Variants in TCF20 observed in about 807,000 individuals in gnomAD.
The protein encoded by TCF20 is transcription factor 20, also known as SPRE-binding protein.
Under a neutral mutation model 148.6 loss-of-function variants are expected in TCF20, and 3 were observed. That is an observed-to-expected ratio of 0.02 (90% CI 0.01 to 0.05). TCF20 has a LOEUF of 0.05. Ranked by LOEUF, TCF20 falls within the 10% of genes least tolerant of loss-of-function variation. TCF20 has a pLI of 1.00. For missense variants in TCF20, 2,350 were observed against 2,429.3 expected (o/e 0.97, Z 0.69); for synonymous variants, 1,049 against 909.5 (o/e 1.15, Z -2.76).
At chr22:42,182,062 A>T (rs980747308) in intron 2 of TCF20, among the ~76,000 whole-genome samples, 1 of 152,196 alleles carries the variant, frequency 6.6e-6, no homozygotes, top group African/African-American at 2.4e-5. Context: ...GGCAAGATGG[A>T]GAGACCTGGG....
intron 1 of TCF20, among the ~76,000 whole-genome samples, chr22:42,227,276 C>CA (rs113246958): frequency 3.3e-4 from 50 of 149,966 alleles, no homozygotes; most frequent in South Asian, 6.3e-4. Flanking sequence ...CAGCCTCTCT[C>CA]AAAAAAAAAT....
At chr22:42,289,760 CACCTGAGGCCACCAGGAGCCTGCA>C (rs1927099161) in intron 1 of TCF20, among the ~76,000 whole-genome samples, 2 of 152,220 alleles carry the variant, frequency 1.3e-5, no homozygotes, top group Admixed American at 1.3e-4. Context: ...ATGATCTGCC[CACCTGAGGCCACCAGGAGCCTGCA>C]GCCTGCCCCG....
intron 2 of TCF20, among the ~76,000 whole-genome samples, chr22:42,190,570 T>C (rs568945336): frequency 1.3e-5 from 2 of 152,160 alleles, no homozygotes; most frequent in Admixed American, 6.5e-5. Flanking sequence ...CCCTTGAAAC[T>C]ACAAAGGCCG....
intron 4 of TCF20, 123 bp downstream of exon 4, chr22:42,169,724 C>G: frequency 1.0e-6 from 1 of 978,710 alleles, no homozygotes; most frequent in African/African-American, 1.6e-5. Context: ...AGGGGACTAA[C>G]AGCCGGAGGC....
At chr22:42,195,132 G>A (rs1157747722) in intron 2 of TCF20, among the ~76,000 whole-genome samples, 2 of 148,996 alleles carry the variant, frequency 1.3e-5, no homozygotes, top group Non-Finnish European at 3.0e-5. Flanking sequence ...GACCCTGGAG[G>A]AAGAACAGGT....
chr22:42,245,129 G>A (rs1748150885), intron 1 of TCF20, among the ~76,000 whole-genome samples: 1 of 152,146 alleles, frequency 6.6e-6, no homozygotes, highest in African/African-American at 2.4e-5. Flanking sequence ...AGGTGTAACT[G>A]AGAAGAACCT....
At chr22:42,291,177 C>A (rs926212873) in intron 1 of TCF20, among the ~76,000 whole-genome samples, 1 of 152,228 alleles carries the variant, frequency 6.6e-6, no homozygotes, top group African/African-American at 2.4e-5. Context: ...CCAACAAACA[C>A]AAGCATTTAT....
chr22:42,191,388 C>A (rs1412562367), intron 2 of TCF20, among the ~76,000 whole-genome samples: 1 of 152,186 alleles, frequency 6.6e-6, no homozygotes, highest in East Asian at 1.9e-4. Context: ...CTCCCGGGTT[C>A]AAGTGATGCT....
Position 42,213,479 on chromosome 22 carries a change from G to A in TCF20, c.1827C>T (p.Ser609=). The A allele has an allele frequency of 6.2e-7, 1 of 1,614,150 alleles. No homozygotes were observed. The highest frequency in any genetic ancestry group is 1.3e-5 in the African/African-American group (1 of 75,008). ...VNEKTVGVIV[S]REAMTGRVEK... is the part of the protein sequence containing the mutation. ...CTACCCGACCTGTCATGGCTTCCCGGGAGACAATCACCCCAACAGTCTTCT... is the reference window on the plus strand; with the variant it reads ...CTACCCGACCTGTCATGGCTTCCCGAGAGACAATCACCCCAACAGTCTTCT... Residue 609 remains serine (S), a synonymous_variant, in exon 2 of 6, where the codon TCC becomes TCT. Transcript: ENST00000677622.
chr22:42,210,488 T>A lies in TCF20; in HGVS notation c.4818A>T (p.Glu1606Asp), dbSNP rs753805645. 1.2e-6 allele frequency: 2 copies of A among 1,613,822 alleles called. No individual in the cohort carries two copies. The highest frequency in any genetic ancestry group is 8.5e-7 in the Non-Finnish European group (1 of 1,179,962). The change falls in exon 2 of 6, where the codon GAA becomes GAT. Residue 1606 changes from glutamate to aspartate, a missense_variant. Around this residue, in one of 7 missense-constraint regions of TCF20, gnomAD observed 374 missense variants for 398.3 expected, o/e 0.94. Coordinates refer to ENST00000677622, the MANE Select transcript of TCF20 (RefSeq NM_001378418.1). The surrounding 1 kb of genome is among the most constrained non-coding windows in gnomAD (Gnocchi z 4.7). The stretch of plus-strand genomic sequence containing the variant: ...TTAGTTTGATCTCAGGTTCTTGGGG[T>A]TCCACAATGGGAACTGCTTGTTTGG... ...RKTKQAVPIVEPQEPEIKLKY... is the reference protein window; with the variant it reads ...RKTKQAVPIVDPQEPEIKLKY...
chr22:42,178,186 A>C (rs1172741059), intron 3 of TCF20, among the ~76,000 whole-genome samples: 1 of 152,122 alleles, frequency 6.6e-6, no homozygotes. Context: ...ATCTGGCCCT[A>C]TGTTTCTTTC....
chr22:42,234,735 G>A (rs1480291821), intron 1 of TCF20, among the ~76,000 whole-genome samples: 1 of 152,176 alleles, frequency 6.6e-6, no homozygotes, highest in Admixed American at 6.5e-5. Flanking sequence ...AAACTAAGGT[G>A]AAATAGTTAC....
chr22:42,264,266 CGGGGG>C (rs1569193151), intron 1 of TCF20, among the ~76,000 whole-genome samples: 2 of 1,186 alleles, frequency 1.7e-3, no homozygotes, highest in South Asian at 0.032. Context: ...TAAAGTGGGG[CGGGGG>C]CGGGGCGGGG....
intron 1 of TCF20, among the ~76,000 whole-genome samples, chr22:42,256,840 G>T (rs1925772172): frequency 6.6e-6 from 1 of 152,144 alleles, no homozygotes; most frequent in Non-Finnish European, 1.5e-5. Flanking sequence ...CTGCCATGGA[G>T]TAACAATTCT....
chr22:42,223,853 T>A (rs1008179518), intron 1 of TCF20, among the ~76,000 whole-genome samples: 1 of 152,210 alleles, frequency 6.6e-6, no homozygotes, highest in Non-Finnish European at 1.5e-5. Context: ...ATACTCTATG[T>A]CCTGTTTGCA....
chr22:42,339,878 T>A (rs1022137234), intron 1 of TCF20, among the ~76,000 whole-genome samples: 3 of 152,102 alleles, frequency 2.0e-5, no homozygotes, highest in Non-Finnish European at 4.4e-5. Flanking sequence ...GTGGGGCCCA[T>A]CTCCCTCCCA....
intron 1 of TCF20, among the ~76,000 whole-genome samples, chr22:42,334,275 G>A (rs1928027589): frequency 6.6e-6 from 1 of 152,206 alleles, no homozygotes; most frequent in Non-Finnish European, 1.5e-5. Context: ...ACAGGGCCCG[G>A]GGTCAGAATC....
Position 42,198,994 on chromosome 22 carries a change from T to G in TCF20, c.5655+10657A>C, listed in dbSNP as rs538016282. On this transcript the variant is annotated intron_variant, in intron 2 of 5. Transcript: ENST00000677622. ...CCAAATATTTCCAATCTGCTGTTGATTGAATCTAAGAATGCAGAACCCATG... is the reference window on the plus strand; with the variant it reads ...CCAAATATTTCCAATCTGCTGTTGAGTGAATCTAAGAATGCAGAACCCATG... Among the ~76,000 whole-genome samples, 23 of 152,232 alleles carry G rather than the reference T, an allele frequency of 1.5e-4. No individual in the cohort carries two copies. In the South Asian group the frequency reaches 1.7e-3, roughly 11 times the overall value.
In TCF20 at chr22:42,212,974, T is replaced by C. The variant is rs777773135; in HGVS notation, c.2332A>G (p.Met778Val). The C allele has an allele frequency of 2.5e-6, 4 of 1,614,084 alleles. No individual in the cohort carries two copies. Among genetic ancestry groups the C allele is most frequent in the Admixed American group, 3.3e-5 (2 of 60,006 alleles). ...GTGGTTCCTTCTAGGCTACCAGCCA[T>C]CCCCTGATGCTCTTGAGTACTCCTA... ...YSRSTQEHQG[M>V]AGSLEGTTRP... is the part of the protein sequence containing the mutation. The change falls in exon 2 of 6, where the codon ATG becomes GTG. Residue 778 changes from methionine (M) to valine (V), a missense_variant. Around this residue, in one of 7 missense-constraint regions of TCF20, gnomAD observed 1,641 missense variants for 1,662.6 expected, o/e 0.99. Transcript: ENST00000677622.
Sources: allele counts gnomAD v4.1 joint callset (sites outside exome capture counted in the v4.1 genomes callset), GRCh38; gene constraint gnomAD v4.1.1; regional missense constraint gnomAD v4.1.1; non-coding constraint Gnocchi (gnomAD v3.1); transcripts MANE v1.5; gene names NCBI Gene and HGNC (gene_info 2026-07-23, HGNC 2026-07-21).